DDX1: variants seen among roughly 807,000 people sequenced by gnomAD.
DDX1 encodes DEAD-box helicase 1, also known as ATP-dependent RNA helicase DDX1.
DDX1 carries 28 observed loss-of-function variants against 108.7 expected under a neutral mutation model. That is an observed-to-expected ratio of 0.26 (90% CI 0.19 to 0.35). The LOEUF (loss-of-function observed/expected upper bound fraction) is 0.35. Among genes scored for constraint, DDX1 ranks in the 10% least tolerant of loss-of-function variants. The pLI is 1.00. For missense variants in DDX1, 710 were observed against 884.5 expected (o/e 0.80, Z 2.50); for synonymous variants, 295 against 288.9 (o/e 1.02, Z -0.21).
chr2:15,604,656 T>TG, intron 10 of DDX1, 147 bp downstream of exon 10: 2 of 621,940 alleles, frequency 3.2e-6, no homozygotes, highest in Non-Finnish European at 5.7e-6. Flanking sequence ...ATTGACTATG[T>TG]GTAAGGTACC....
Position 15,628,529 on chromosome 2 carries a change from C to G in DDX1, c.1759+12C>G. ...CGGTGTTCCTTATGGTAAAAAGCAA[C>G]TTTTTATGCCTGTAGTGTGATTGTT... On this transcript the variant is annotated intron_variant, in intron 21 of 25. Transcript: ENST00000233084. The G allele has an allele frequency of 1.9e-6, 3 of 1,608,606 alleles. No individual in the cohort carries two copies. Among genetic ancestry groups the G allele is most frequent in the Non-Finnish European group, 2.6e-6 (3 of 1,175,188 alleles).
intron 13 of DDX1, among the ~76,000 whole-genome samples, chr2:15,609,199 G>A (rs1290729238): frequency 2.0e-5 from 3 of 152,348 alleles, no homozygotes; most frequent in East Asian, 3.9e-4. Context: ...AAATGCTAGT[G>A]TGAATTGATT....
Position 15,597,463 on chromosome 2 carries a change from G to T in DDX1, c.251G>T (p.Gly84Val). The T allele has an allele frequency of 6.3e-7, 1 of 1,596,624 alleles. No individual in the cohort carries two copies. Among genetic ancestry groups the T allele is most frequent in the Non-Finnish European group, 8.5e-7 (1 of 1,169,866 alleles). Reference protein sequence around the residue: ...GKKGKTTIKTGASVLNKWQMN... With the variant: ...GKKGKTTIKTVASVLNKWQMN... Reference sequence around the variant, plus strand: ...AAAGGAAAAACAACAATTAAAACTGGTGCTTCAGGTAATTTTTGTAAATTG... The same window carrying T: ...AAAGGAAAAACAACAATTAAAACTGTTGCTTCAGGTAATTTTTGTAAATTG... Residue 84 changes from glycine (G) to valine (V), a missense_variant, in exon 5 of 26, where the codon GGT becomes GTT. Gly to Val is a moderately radical substitution (Grantham distance 109). This residue lies in a region of DDX1 where 661 missense variants were observed against 810.2 expected (regional missense o/e 0.82). Coordinates refer to ENST00000233084, the MANE Select transcript of DDX1 (RefSeq NM_004939.3).
intron 13 of DDX1, among the ~76,000 whole-genome samples, chr2:15,611,045 T>G (rs1054371060): frequency 2.7e-5 from 4 of 150,246 alleles, no homozygotes; most frequent in Non-Finnish European, 5.9e-5. Context: ...TCCGCAGTGT[T>G]TGTGTCCCTG....
chr2:15,606,174 G>A lies in DDX1; in HGVS notation c.727G>A (p.Gly243Ser), dbSNP rs771440165. ...GAATGCTGAACTGAAATTTAACTTCGGTGAAGAGGAATTTAAGTTTCCACC... is the reference window on the plus strand; with the variant it reads ...GAATGCTGAACTGAAATTTAACTTCAGTGAAGAGGAATTTAAGTTTCCACC... ...LKNAELKFNF[G>S]EEEFKFPPKD... The change falls in exon 12 of 26, where the codon GGT (glycine) becomes AGT (serine). Residue 243 changes from glycine (G) to serine (S), a missense_variant. Gly to Ser is a moderately conservative substitution (Grantham distance 56, BLOSUM62 0). Coordinates refer to ENST00000233084, the MANE Select transcript of DDX1 (RefSeq NM_004939.3). 4 of 1,613,560 alleles carry A rather than the reference G, an allele frequency of 2.5e-6. No individual in the cohort carries two copies. Among genetic ancestry groups the A allele is most frequent in the East Asian group, 2.2e-5 (1 of 44,882 alleles).
At chr2:15,621,194 A>G in intron 18 of DDX1, 78 bp downstream of exon 18, 2 of 958,174 alleles carry the variant, frequency 2.1e-6, no homozygotes, top group East Asian at 4.9e-5. Flanking sequence ...GAAGGATGTG[A>G]GGTGACCTGC....
intron 19 of DDX1, among the ~76,000 whole-genome samples, chr2:15,625,894 A>AT (rs3836026): frequency 0.24 from 36,181 of 150,074 alleles, 5,301 homozygotes; most frequent in African/African-American, 0.42. Flanking sequence ...TAAGTAACAC[A>AT]TTTTTTTTTT....
intron 13 of DDX1, among the ~76,000 whole-genome samples, chr2:15,610,192 A>G (rs568507888): frequency 6.6e-6 from 1 of 152,334 alleles, no homozygotes; most frequent in African/African-American, 2.4e-5. Context: ...TCCGCCTCCG[A>G]AAGTGCTGGA....
chr2:15,598,105 TTGTTA>T (rs979139021), intron 5 of DDX1, among the ~76,000 whole-genome samples: 2 of 152,180 alleles, frequency 1.3e-5, no homozygotes, highest in Non-Finnish European at 2.9e-5. Context: ...ATCTTTTGTT[TTGTTA>T]TATTTTAATA....
At chr2:15,608,077 T>G (rs1307189973) in intron 13 of DDX1, among the ~76,000 whole-genome samples, 1 of 152,218 alleles carries the variant, frequency 6.6e-6, no homozygotes, top group Admixed American at 6.5e-5. Context: ...TAAATTAAAG[T>G]GACCTTGCTC....
chr2:15,611,704 T>C (rs1573043701), intron 13 of DDX1, among the ~76,000 whole-genome samples: 2 of 83,810 alleles, frequency 2.4e-5, no homozygotes, highest in Non-Finnish European at 4.4e-5. Context: ...CCCCCCCACC[T>C]CCCTCCCGGA....
At chr2:15,603,400 A>G in intron 8 of DDX1, 125 bp downstream of exon 8, 1 of 692,890 alleles carries the variant, frequency 1.4e-6, no homozygotes. Context: ...TGGAAACAAT[A>G]TTTATCTGTA....
At chr2:15,616,704 A>T (rs139794326) in intron 14 of DDX1, among the ~76,000 whole-genome samples, 155 of 152,372 alleles carry the variant, frequency 1.0e-3, no homozygotes, top group African/African-American at 3.6e-3. Context: ...AGTAACTATT[A>T]CTGTTTTCCT....
At chr2:15,604,708 T>G (rs569877049) in intron 10 of DDX1, among the ~76,000 whole-genome samples, 199 bp downstream of exon 10, 1 of 152,262 alleles carries the variant, frequency 6.6e-6, no homozygotes, top group African/African-American at 2.4e-5. Context: ...GAATAGACAT[T>G]TGGGGCTTAC....
intron 14 of DDX1, 62 bp from the exon 15 acceptor site, chr2:15,617,182 A>G: frequency 1.3e-6 from 1 of 757,860 alleles, no homozygotes; most frequent in South Asian, 2.5e-5. Flanking sequence ...ATTGGTTGCT[A>G]TTTTAACGTA....
chr2:15,607,403 A>G, intron 13 of DDX1, 90 bp downstream of exon 13: 1 of 1,210,468 alleles, frequency 8.3e-7, no homozygotes, highest in African/African-American at 1.5e-5. Context: ...TGAAGTAGAA[A>G]TTCAGTGTGT....
chr2:15,622,375 G>C (rs1296606669), intron 18 of DDX1, among the ~76,000 whole-genome samples: 1 of 152,136 alleles, frequency 6.6e-6, no homozygotes, highest in Non-Finnish European at 1.5e-5. Flanking sequence ...CTTCTTTGCA[G>C]AGCTGAGACT....
At chr2:15,611,986 G>A (rs1200391981) in intron 13 of DDX1, among the ~76,000 whole-genome samples, 1 of 132,388 alleles carries the variant, frequency 7.6e-6, no homozygotes, top group Admixed American at 7.2e-5. Context: ...CCTCCCTCCC[G>A]GACAGGGCGG....
intron 18 of DDX1, among the ~76,000 whole-genome samples, chr2:15,623,194 TTATA>T (rs1241902692): frequency 6.6e-6 from 1 of 152,104 alleles, no homozygotes; most frequent in Non-Finnish European, 1.5e-5. Flanking sequence ...TTATGGGTGT[TTATA>T]TACCCCATAA....
Sources: allele counts gnomAD v4.1 joint callset (sites outside exome capture counted in the v4.1 genomes callset), GRCh38; gene constraint gnomAD v4.1.1; regional missense constraint gnomAD v4.1.1; transcripts MANE v1.5; gene names NCBI Gene and HGNC (gene_info 2026-07-23, HGNC 2026-07-21).